The following SH3RF3 variants were observed in gnomAD, a reference collection of about 807,000 sequenced individuals.
SH3RF3 encodes SH3 domain containing ring finger 3.
A neutral mutation model predicts 66.3 loss-of-function variants in SH3RF3; 29 were observed. The observed-to-expected ratio is 0.44, with a 90% CI of 0.33 to 0.60. The LOEUF (loss-of-function observed/expected upper bound fraction) is 0.60. SH3RF3 is among the 20% of genes least tolerant of loss of function. SH3RF3 has a pLI of 0.04. For missense variants in SH3RF3, 1,194 were observed against 1,190.9 expected (o/e 1.00, Z -0.04); for synonymous variants, 583 against 532.0 (o/e 1.10, Z -1.32).
intron 8 of SH3RF3, among the ~76,000 whole-genome samples, chr2:109,450,327 C>A (rs1465740780): frequency 6.7e-6 from 1 of 149,290 alleles, no homozygotes; most frequent in Non-Finnish European, 1.5e-5. Context: ...GCCTGGGCAA[C>A]AGAGCAAGAC....
Position 109,282,799 on chromosome 2 carries a change from C to T in SH3RF3, c.574-64875C>T, listed in dbSNP as rs146752634. Among the ~76,000 whole-genome samples, 629 of 152,302 alleles carry T rather than the reference C, an allele frequency of 4.1e-3. 6 individuals are homozygous for T. Among genetic ancestry groups the T allele is most frequent in the African/African-American group, 0.014 (584 of 41,558 alleles). On this transcript the variant is annotated intron_variant, in intron 1 of 9. Coordinates refer to ENST00000309415, the MANE Select transcript of SH3RF3 (RefSeq NM_001099289.3). ...GAGCTCACCAGGAGGTAGACCATGT[C>T]TGTGTCCTCCAGGGCTGGCAGGCAG...
chr2:109,398,880 C>G lies in SH3RF3; in HGVS notation c.1236C>G (p.Ser412Arg), dbSNP rs753301166. Residue 412 changes from serine to arginine, a missense_variant, in exon 4 of 10, where the codon AGC becomes AGG. Coordinates refer to ENST00000309415, the MANE Select transcript of SH3RF3 (RefSeq NM_001099289.3). Reference sequence around the variant, plus strand: ...GTGCTCCAGTGTTGATCAGCTCCAGCGATCCCCGAGCCGCGGCCAGGATTG... The same window carrying G: ...GTGCTCCAGTGTTGATCAGCTCCAGGGATCCCCGAGCCGCGGCCAGGATTG... ...EISAPVLISSSDPRAAARIGD... is the reference protein window; with the variant it reads ...EISAPVLISSRDPRAAARIGD... The G allele has an allele frequency of 6.2e-7, 1 of 1,613,804 alleles. No homozygotes were observed. Among genetic ancestry groups the G allele is most frequent in the Non-Finnish European group, 8.5e-7 (1 of 1,179,888 alleles).
intron 2 of SH3RF3, among the ~76,000 whole-genome samples, chr2:109,369,715 G>A (rs949775365): frequency 6.6e-6 from 1 of 152,156 alleles, no homozygotes; most frequent in Admixed American, 6.5e-5. Context: ...CCCTCCTTCT[G>A]TGTGATCCCA....
chr2:109,337,894 A>G (rs1449609022), intron 1 of SH3RF3, among the ~76,000 whole-genome samples: 1 of 151,514 alleles, frequency 6.6e-6, no homozygotes, highest in African/African-American at 2.4e-5. Context: ...CGCCTGGCTA[A>G]TTTTTGTATT....
At chr2:109,137,332 A>G (rs1485028145) in intron 1 of SH3RF3, among the ~76,000 whole-genome samples, 1 of 152,176 alleles carries the variant, frequency 6.6e-6, no homozygotes, top group Non-Finnish European at 1.5e-5. Flanking sequence ...AAAGAAGATG[A>G]TGAGGCAGGT....
chr2:109,201,906 G>A (rs1027439068), intron 1 of SH3RF3, among the ~76,000 whole-genome samples: 2 of 152,222 alleles, frequency 1.3e-5, no homozygotes, highest in Non-Finnish European at 2.9e-5. Context: ...TGACACATCT[G>A]AAATCAATAC....
At chr2:109,300,428 C>T (rs1351036353) in intron 1 of SH3RF3, among the ~76,000 whole-genome samples, 1 of 152,178 alleles carries the variant, frequency 6.6e-6, no homozygotes, top group African/African-American at 2.4e-5. Flanking sequence ...GATCCACCCA[C>T]CTCAGTGTCC....
At chr2:109,251,698 A>G (rs1020934712) in intron 1 of SH3RF3, 81 of 930,266 alleles carry the variant, frequency 8.7e-5, no homozygotes, top group African/African-American at 8.4e-4. Flanking sequence ...CATAGGTTCT[A>G]TTTTACTATG....
intron 8 of SH3RF3, among the ~76,000 whole-genome samples, chr2:109,449,997 T>C (rs1024501777): frequency 6.6e-6 from 1 of 152,204 alleles, no homozygotes; most frequent in African/African-American, 2.4e-5. Flanking sequence ...AATGCTGACC[T>C]GATGGCTGGT....
chr2:109,380,394 C>G (rs77799522), intron 3 of SH3RF3, among the ~76,000 whole-genome samples: 1 of 152,160 alleles, frequency 6.6e-6, no homozygotes, highest in Non-Finnish European at 1.5e-5. Context: ...GGGTGGGGCC[C>G]AGGTGCTAGC....
intron 2 of SH3RF3, among the ~76,000 whole-genome samples, chr2:109,371,284 G>C (rs1027281291): frequency 6.6e-6 from 1 of 152,230 alleles, no homozygotes. Context: ...CAGCTACTTG[G>C]AAGGCTGAGG....
chr2:109,483,490 G>A (rs1678886921), intron 8 of SH3RF3, among the ~76,000 whole-genome samples: 2 of 152,158 alleles, frequency 1.3e-5, no homozygotes, highest in Non-Finnish European at 2.9e-5. Flanking sequence ...GGCACCTTCC[G>A]CCTGTTTTCC....
intron 9 of SH3RF3, among the ~76,000 whole-genome samples, chr2:109,495,461 T>TGAATA (rs1679232671): frequency 6.8e-6 from 1 of 147,226 alleles, no homozygotes; most frequent in Non-Finnish European, 1.5e-5. Context: ...CATTTCATCC[T>TGAATA]GAATATCTTT....
intron 8 of SH3RF3, among the ~76,000 whole-genome samples, chr2:109,485,776 T>A (rs1334469809): frequency 6.6e-6 from 1 of 152,236 alleles, no homozygotes; most frequent in Non-Finnish European, 1.5e-5. Flanking sequence ...ACTCATAAGC[T>A]CTCCCTTCTG....
intron 2 of SH3RF3, among the ~76,000 whole-genome samples, chr2:109,361,140 G>A (rs1177394659): frequency 5.9e-5 from 9 of 152,130 alleles, no homozygotes; most frequent in Admixed American, 1.3e-4. Flanking sequence ...TTGATTTTTA[G>A]ATGTTGAGCC....
chr2:109,399,021 G>A lies in SH3RF3; in HGVS notation c.1299+78G>A, dbSNP rs981322573. 36 of 1,416,700 alleles carry A rather than the reference G, an allele frequency of 2.5e-5. No homozygotes were observed. The Admixed American group carries it at 3.9e-4, about 15-fold the overall frequency. 87.8% of individuals were successfully genotyped at this position (1,416,700 alleles called of 1,614,324 possible). On this transcript the variant is annotated intron_variant, in intron 4 of 9. Transcript: ENST00000309415. Reference sequence around the variant, plus strand: ...CTCAGCTCCGTGTTCAGTGTCCCCCGTTCCTCAACTAGCATGGAGGCCGCC... The same window carrying A: ...CTCAGCTCCGTGTTCAGTGTCCCCCATTCCTCAACTAGCATGGAGGCCGCC...
At chr2:109,399,845 T>A (rs1438823585) in intron 4 of SH3RF3, among the ~76,000 whole-genome samples, 13 of 152,192 alleles carry the variant, frequency 8.5e-5, no homozygotes, top group Admixed American at 8.5e-4. Flanking sequence ...GCCATTGTTG[T>A]CTGACCTTCT....
intron 1 of SH3RF3, among the ~76,000 whole-genome samples, chr2:109,332,827 C>T (rs1027681730): frequency 1.3e-5 from 2 of 152,200 alleles, no homozygotes; most frequent in African/African-American, 4.8e-5. Flanking sequence ...TTAACGTGCA[C>T]AGTATGTTAA....
At chr2:109,307,384 C>A (rs1259200488) in intron 1 of SH3RF3, among the ~76,000 whole-genome samples, 1 of 151,880 alleles carries the variant, frequency 6.6e-6, no homozygotes, top group African/African-American at 2.4e-5. Flanking sequence ...ACGCTGCATC[C>A]ATGCTCTGGG....
Sources: gnomAD v4.1 joint callset for allele counts (sites outside exome capture counted in the v4.1 genomes callset) on GRCh38, gnomAD v4.1.1 for gene constraint, MANE v1.5 for transcripts, NCBI Gene and HGNC (gene_info 2026-07-23, HGNC 2026-07-21) for gene names.